The following SPOCK3 variants were observed in gnomAD, a reference collection of about 807,000 sequenced individuals.
The protein encoded by SPOCK3 is testican-3.
In SPOCK3, 30 loss-of-function variants were observed where a neutral mutation model predicts 56.6. That is an observed-to-expected ratio of 0.53 (90% confidence interval 0.40 to 0.72). SPOCK3 has a LOEUF of 0.72. Ranked by LOEUF, SPOCK3 falls within the 30% of genes least tolerant of loss-of-function variation. SPOCK3 has a pLI of 0.00. For synonymous variants in SPOCK3, 196 were observed against 183.3 expected (o/e 1.07, Z -0.56); for missense variants, 527 against 530.0 (o/e 0.99, Z 0.06).
intron 8 of SPOCK3, among the ~76,000 whole-genome samples, chr4:166,748,558 T>C (rs1273063841): frequency 7.3e-6 from 1 of 136,558 alleles, no homozygotes; most frequent in African/African-American, 3.1e-5. Flanking sequence ...GGCAATACCA[T>C]TCAGGACATA....
intron 4 of SPOCK3, among the ~76,000 whole-genome samples, chr4:166,954,211 A>T (rs1284651882): frequency 3.3e-5 from 5 of 152,124 alleles, no homozygotes; most frequent in Non-Finnish European, 7.4e-5. Flanking sequence ...TTAACCCCTT[A>T]TCAGTTATAT....
chr4:167,160,146 T>C (rs10024630), intron 2 of SPOCK3, among the ~76,000 whole-genome samples: 27,609 of 151,946 alleles, frequency 0.18, 2,701 homozygotes, highest in Admixed American at 0.26. Flanking sequence ...AAAACCCCAT[T>C]GTCTCAGCCC....
chr4:166,949,681 G>T (rs891001568), intron 4 of SPOCK3, among the ~76,000 whole-genome samples: 38 of 152,086 alleles, frequency 2.5e-4, no homozygotes, highest in Admixed American at 1.6e-3. Flanking sequence ...AAATGCTGCT[G>T]TCTGATCGTT....
At chr4:166,828,631 C>T (rs944722447) in intron 6 of SPOCK3, among the ~76,000 whole-genome samples, 1 of 151,886 alleles carries the variant, frequency 6.6e-6, no homozygotes, top group Non-Finnish European at 1.5e-5. Context: ...AAGCTTCCTC[C>T]TTGACATTGT....
intron 10 of SPOCK3, 33 bp downstream of exon 10, chr4:166,737,434 G>C (rs1235152363): frequency 1.3e-6 from 2 of 1,595,522 alleles, no homozygotes; most frequent in South Asian, 1.1e-5. Context: ...TCTGTGCTTA[G>C]AAAATTATGA....
chr4:167,197,717 T>A (rs1580588043), intron 2 of SPOCK3, among the ~76,000 whole-genome samples: 1 of 152,186 alleles, frequency 6.6e-6, no homozygotes, highest in African/African-American at 2.4e-5. Context: ...CTATTTCCAC[T>A]TCCACGCTCA....
At chr4:166,848,890 C>T (rs1169640678) in intron 6 of SPOCK3, among the ~76,000 whole-genome samples, 3 of 152,166 alleles carry the variant, frequency 2.0e-5, no homozygotes, top group Non-Finnish European at 4.4e-5. Flanking sequence ...ATTTTGTTTA[C>T]TACTTTATTC....
chr4:167,205,530 T>TATAATATATATTATATATTATA (rs1343035754), intron 2 of SPOCK3, among the ~76,000 whole-genome samples: 1 of 60,206 alleles, frequency 1.7e-5, no homozygotes, highest in African/African-American at 7.7e-5. Context: ...ATATATATTA[T>TATAATATATATTATATATTATA]TATATAATAT....
rs778946420 is a variant in SPOCK3, at chr4:166,792,299, G to A, written c.590-10C>T. Reference sequence around the variant, plus strand: ...TCCAGGTCACTGCATGCTAAAAACAGAGAAACAACACAAGTCTTGAATAAT... The same window carrying A: ...TCCAGGTCACTGCATGCTAAAAACAAAGAAACAACACAAGTCTTGAATAAT... On this transcript the variant is annotated splice_polypyrimidine_tract_variant and intron_variant, in intron 6 of 10. Coordinates refer to ENST00000357545, the MANE Select transcript of SPOCK3 (RefSeq NM_001040159.2). The A allele has an allele frequency of 1.9e-6, 3 of 1,613,430 alleles. No individual in the cohort carries two copies. Among genetic ancestry groups the A allele is most frequent in the South Asian group, 1.1e-5 (1 of 91,060 alleles).
At chr4:167,056,757 A>G (rs1468070791) in intron 3 of SPOCK3, among the ~76,000 whole-genome samples, 3 of 152,140 alleles carry the variant, frequency 2.0e-5, no homozygotes, top group East Asian at 1.9e-4. Flanking sequence ...AAAGAAACGA[A>G]CAAAGCCTCC....
chr4:166,875,347 C>G (rs942864336), intron 6 of SPOCK3, among the ~76,000 whole-genome samples: 7 of 151,942 alleles, frequency 4.6e-5, no homozygotes, highest in African/African-American at 1.7e-4. Context: ...TGGTGAAATA[C>G]TTAATCATGA....
intron 2 of SPOCK3, among the ~76,000 whole-genome samples, chr4:167,217,443 A>T (rs1451631285): frequency 6.6e-6 from 1 of 152,056 alleles, no homozygotes; most frequent in Admixed American, 6.6e-5. Flanking sequence ...AAGGTATTAT[A>T]AGTACTCTAG....
chr4:166,748,217 G>A lies in SPOCK3; in HGVS notation c.932-6158C>T, dbSNP rs1735909250. On this transcript the variant is annotated intron_variant, in intron 8 of 10. Coordinates refer to ENST00000357545, the MANE Select transcript of SPOCK3 (RefSeq NM_001040159.2). ...AAAAGAACAAAGCTGGAGGCATCATGCTACCTGACTTCAAACTATACTACA... is the reference window on the plus strand; with the variant it reads ...AAAAGAACAAAGCTGGAGGCATCATACTACCTGACTTCAAACTATACTACA... Among the ~76,000 whole-genome samples, 2 of 137,110 alleles carry A rather than the reference G, an allele frequency of 1.5e-5. 1 individual carries two copies. The highest frequency in any genetic ancestry group is 3.1e-5 in the Non-Finnish European group (2 of 64,666). The allele number at this position is 137,110 out of a possible 152,430, so 89.9% of individuals were successfully genotyped here.
At chr4:167,060,362 AG>A (rs1561173594) in intron 3 of SPOCK3, among the ~76,000 whole-genome samples, 1 of 151,920 alleles carries the variant, frequency 6.6e-6, no homozygotes, top group Non-Finnish European at 1.5e-5. Flanking sequence ...CACCAAGAAA[AG>A]CAAGAAACAT....
At chr4:167,009,487 G>C (rs116175577) in intron 3 of SPOCK3, among the ~76,000 whole-genome samples, 1,935 of 152,188 alleles carry the variant, frequency 0.013, 20 homozygotes, top group Non-Finnish European at 0.019. Flanking sequence ...TACTTTCACG[G>C]TGTAAAAAAA....
chr4:166,793,371 C>T (rs1002880444), intron 6 of SPOCK3, among the ~76,000 whole-genome samples: 4 of 152,046 alleles, frequency 2.6e-5, no homozygotes, highest in African/African-American at 9.7e-5. Flanking sequence ...TTTGGCTTCC[C>T]TGGGCCACAC....
chr4:166,807,026 C>T (rs770259731), intron 6 of SPOCK3, among the ~76,000 whole-genome samples: 4 of 151,738 alleles, frequency 2.6e-5, no homozygotes, highest in African/African-American at 7.3e-5. Flanking sequence ...CTTTATCTCT[C>T]GAAATATTGT....
intron 2 of SPOCK3, among the ~76,000 whole-genome samples, chr4:167,086,691 T>A (rs778259400): frequency 2.0e-5 from 3 of 152,134 alleles, no homozygotes; most frequent in Non-Finnish European, 4.4e-5. Flanking sequence ...TATTTTTCCC[T>A]GTTTCAGATG....
intron 3 of SPOCK3, among the ~76,000 whole-genome samples, chr4:167,028,795 AT>A (rs1242818816): frequency 6.6e-6 from 1 of 152,040 alleles, no homozygotes; most frequent in African/African-American, 2.4e-5. Context: ...GATTGAAGAT[AT>A]TGTTTTTAAG....
Sources: allele counts gnomAD v4.1 joint callset (sites outside exome capture counted in the v4.1 genomes callset), GRCh38; gene constraint gnomAD v4.1.1; transcripts MANE v1.5; gene names NCBI Gene and HGNC (gene_info 2026-07-23, HGNC 2026-07-21).